ERI1: variants seen among roughly 807,000 people sequenced by gnomAD.
ERI1 encodes the protein exoribonuclease 1.
Under a neutral mutation model 39.7 loss-of-function variants are expected in ERI1, and 39 were observed. The ratio of observed to expected loss-of-function variants is 0.98; its 90% CI spans 0.76 to 1.28. The LOEUF is 1.28. ERI1 is among the 50% of genes most tolerant of loss of function. The pLI is 0.00. For synonymous variants in ERI1, 204 were observed against 149.6 expected (o/e 1.36, Z -2.65); for missense variants, 581 against 416.9 (o/e 1.39, Z -3.43).
intron 3 of ERI1, among the ~76,000 whole-genome samples, chr8:9,042,616 A>C (rs1422910892): frequency 6.6e-6 from 1 of 152,086 alleles, no homozygotes; most frequent in African/African-American, 2.4e-5. Context: ...GGAAGCCTAG[A>C]TGCGATGGGT....
chr8:9,072,709 A>G (rs947888560), intron 3 of ERI1, among the ~76,000 whole-genome samples: 3 of 152,000 alleles, frequency 2.0e-5, no homozygotes, highest in East Asian at 1.9e-4. Flanking sequence ...TTTTTGATCA[A>G]TTCTTCACCA....
chr8:9,029,870 C>G lies in ERI1; in HGVS notation c.886C>G (p.Leu296Val), dbSNP rs889717935. ...TTATGATGGGCGGCCTCACTGTGGT[C>G]TTGATGACTCTAAGAATATCGCCCG... The part of the protein sequence containing the change: ...MDYDGRPHCG[L>V]DDSKNIARIA... Residue 296 changes from leucine (L) to valine (V), a missense_variant, in exon 7 of 7, where the codon CTT becomes GTT. Physicochemically the swap from Leu to Val is conservative, Grantham distance 32. Coordinates refer to ENST00000250263, the MANE Select transcript of ERI1 (RefSeq NM_153332.4). 1 of 1,614,172 alleles carries G rather than the reference C, an allele frequency of 6.2e-7. No individual in the cohort carries two copies. Among genetic ancestry groups the G allele is most frequent in the Non-Finnish European group, 8.5e-7 (1 of 1,180,030 alleles).
chr8:9,002,944 C>A lies in ERI1; in HGVS notation c.-120C>A, dbSNP rs1358672894. On this transcript the variant is annotated 5_prime_UTR_variant, in exon 1 of 7. Transcript: ENST00000250263. ...TGGCCGCTGGAGTTTGTGTGGCCGC[C>A]GCCGCGGGAACGCGAGCCCGGTAAT... is the stretch of plus-strand genomic sequence containing the variant. The A allele has an allele frequency of 5.6e-6, 4 of 720,478 alleles. No individual in the cohort carries two copies. Among genetic ancestry groups the A allele is most frequent in the South Asian group, 7.4e-5 (1 of 13,558 alleles). 44.6% of individuals were successfully genotyped at this position (720,478 alleles called of 1,614,324 possible). A position where few individuals can be genotyped will look rare whatever the true frequency, so the allele number is the denominator to read the frequency against.
In ERI1 at chr8:9,003,041, TCTC is replaced by T. The variant is rs1442357422; in HGVS notation, c.-19_-17del. On this transcript the variant is annotated 5_prime_UTR_variant, in exon 1 of 7. Transcript: ENST00000250263. ...TTAGCAAGTGTCCGGCTCCAGCAACTCTCCTCTGGCGTGACAGCCGGCATGGAG... is the reference window on the plus strand; with the variant it reads ...TTAGCAAGTGTCCGGCTCCAGCAACTCTCTGGCGTGACAGCCGGCATGGAG... The T allele has an allele frequency of 1.7e-5, 21 of 1,236,032 alleles. No homozygotes were observed. The highest frequency in any genetic ancestry group is 2.1e-5 in the Non-Finnish European group (21 of 978,226). 76.6% of individuals were successfully genotyped at this position (1,236,032 alleles called of 1,614,324 possible). A position where few individuals can be genotyped will look rare whatever the true frequency, so the allele number is the denominator to read the frequency against.
At chr8:9,098,904 G>T (rs1563104989) in intron 3 of ERI1, among the ~76,000 whole-genome samples, 1 of 152,086 alleles carries the variant, frequency 6.6e-6, no homozygotes, top group Non-Finnish European at 1.5e-5. Flanking sequence ...TGCAAGCTCG[G>T]CTCACTGCAA....
chr8:9,014,907 G>A (rs1011478403), intron 3 of ERI1, among the ~76,000 whole-genome samples: 2 of 151,970 alleles, frequency 1.3e-5, no homozygotes, highest in African/African-American at 4.8e-5. Context: ...GCTCAATCTC[G>A]GCTCACTGCA....
chr8:9,072,097 G>T (rs1172201900), intron 3 of ERI1, among the ~76,000 whole-genome samples: 1 of 152,026 alleles, frequency 6.6e-6, no homozygotes, highest in Non-Finnish European at 1.5e-5. Context: ...TGACAGAGAG[G>T]CAGAATTCTC....
intron 3 of ERI1, among the ~76,000 whole-genome samples, chr8:9,076,708 C>T (rs1249134562): frequency 1.3e-5 from 2 of 152,194 alleles, no homozygotes; most frequent in African/African-American, 4.8e-5. Flanking sequence ...AAAGCCACTT[C>T]AGTGAGAAAT....
intron 3 of ERI1, among the ~76,000 whole-genome samples, chr8:9,065,545 A>C (rs1798845015): frequency 6.6e-6 from 1 of 151,954 alleles, no homozygotes; most frequent in Non-Finnish European, 1.5e-5. Flanking sequence ...AATACAAAAA[A>C]TTAGCCAGGC....
intron 3 of ERI1, among the ~76,000 whole-genome samples, chr8:9,095,248 T>C (rs1799839590): frequency 6.6e-6 from 1 of 152,176 alleles, no homozygotes; most frequent in South Asian, 2.1e-4. Flanking sequence ...CATGGGTGTA[T>C]TGGGTGATGC....
intron 2 of ERI1, chr8:9,009,271 A>C (rs1816414513): frequency 2.9e-6 from 1 of 343,600 alleles, no homozygotes; most frequent in South Asian, 2.3e-5. Flanking sequence ...CATACAAAGA[A>C]ATCATCACAA....
Position 9,005,514 on chromosome 8 carries a change from GTTTT to G in ERI1, c.108+2358_108+2361del, listed in dbSNP as rs60847461. Among the ~76,000 whole-genome samples, 808 of 130,810 alleles carry G rather than the reference GTTTT, an allele frequency of 6.2e-3. 7 individuals are homozygous for G. The highest frequency in any genetic ancestry group is 0.021 in the African/African-American group (743 of 35,630). 85.8% of individuals were successfully genotyped at this position (130,810 alleles called of 152,430 possible). A position where few individuals can be genotyped will look rare whatever the true frequency, so the allele number is the denominator to read the frequency against. On this transcript the variant is annotated intron_variant, in intron 1 of 6. Coordinates refer to ENST00000250263, the MANE Select transcript of ERI1 (RefSeq NM_153332.4). ...TTAAGTTCAACAACAGTTTTTTTAT[GTTTT>G]TTTTTTTTTTTTTTGAGAGGGAGTC...
chr8:9,049,472 G>A lies in ERI1; in HGVS notation n.299+29008G>A, dbSNP rs977921403. On this transcript the variant is annotated intron_variant and non_coding_transcript_variant, in intron 3 of 3. Coordinates refer to the ERI1 transcript ENST00000518663. ...GAGGTTGGGGTGAAGGGAGTGCGGGGAGTCCTGCAACTAGACCTTTGGATC... is the reference window on the plus strand; with the variant it reads ...GAGGTTGGGGTGAAGGGAGTGCGGGAAGTCCTGCAACTAGACCTTTGGATC... Among the ~76,000 whole-genome samples the A allele has an allele frequency of 3.3e-5, 5 of 151,524 alleles. No homozygotes were observed. The Admixed American group carries it at 3.3e-4, about 10-fold the overall frequency.
At chr8:9,023,821 C>T (rs1249294129) in intron 6 of ERI1, among the ~76,000 whole-genome samples, 4 of 39,490 alleles carry the variant, frequency 1.0e-4, no homozygotes, top group Admixed American at 3.4e-4. Context: ...TTTTTTGAGG[C>T]GGAGTCTCAC....
At position 9,068,103 on chromosome 8, in the gene ERI1, C is replaced by G. The variant is rs371698462; in HGVS notation, n.299+47639C>G. Among the ~76,000 whole-genome samples the G allele has an allele frequency of 9.2e-4, 140 of 152,302 alleles. 1 individual carries two copies. The highest frequency in any genetic ancestry group is 3.2e-3 in the African/African-American group (132 of 41,552). On this transcript the variant is annotated intron_variant and non_coding_transcript_variant, in intron 3 of 3. Transcript: ENST00000518663. ...AGAACATATATTTTCAGAGCAACAT[C>G]TAATCCAGAATTGCTTTTCTCCTTA... is the stretch of plus-strand genomic sequence containing the variant.
intron 1 of ERI1, chr8:9,003,989 C>G (rs1229239183): frequency 2.2e-6 from 2 of 897,244 alleles, no homozygotes; most frequent in South Asian, 1.4e-5. Context: ...CCTCCTGAGT[C>G]ACTTCCATTT....
In ERI1 at chr8:9,074,031, CT is replaced by C. The variant is rs1180753883; in HGVS notation, n.300-42316del. ...GAACTCGCAGGCTCAAGCAATCTTCCTGCCTTGGCCTCCCAAAATGCTGGGA... is the reference window on the plus strand; with the variant it reads ...GAACTCGCAGGCTCAAGCAATCTTCCGCCTTGGCCTCCCAAAATGCTGGGA... On this transcript the variant is annotated intron_variant and non_coding_transcript_variant, in intron 3 of 3. Coordinates refer to the ERI1 transcript ENST00000518663. Among the ~76,000 whole-genome samples, 9 of 152,246 alleles carry C rather than the reference CT, an allele frequency of 5.9e-5. No individual in the cohort carries two copies. The East Asian group carries it at 1.5e-3, about 26-fold the overall frequency.
At chr8:9,026,771 T>C (rs1337895509) in intron 6 of ERI1, among the ~76,000 whole-genome samples, 1 of 152,168 alleles carries the variant, frequency 6.6e-6, no homozygotes, top group Non-Finnish European at 1.5e-5. Flanking sequence ...ATGTAAATGT[T>C]GAATATTTCA....
At chr8:9,022,816 A>T (rs985534752) in intron 6 of ERI1, among the ~76,000 whole-genome samples, 3 of 152,218 alleles carry the variant, frequency 2.0e-5, no homozygotes, top group Non-Finnish European at 4.4e-5. Flanking sequence ...CCCAGGTTCA[A>T]CAATTAGAAA....
Sources: allele counts gnomAD v4.1 joint callset (sites outside exome capture counted in the v4.1 genomes callset), GRCh38; gene constraint gnomAD v4.1.1; transcripts MANE v1.5; gene names NCBI Gene and HGNC (gene_info 2026-07-23, HGNC 2026-07-21).